Variants in IMMP2L observed in about 807,000 individuals in gnomAD.
The protein encoded by IMMP2L is mitochondrial inner membrane protease subunit 2.
IMMP2L carries 18 observed loss-of-function variants against 19.3 expected under a neutral mutation model. The ratio of observed to expected loss-of-function variants is 0.93; its 90% CI spans 0.64 to 1.38. The LOEUF is 1.38. Among genes scored for constraint, IMMP2L ranks in the 40% most tolerant of loss-of-function variants. The pLI, the probability that IMMP2L is intolerant of heterozygous loss-of-function variation, is 0.00. For missense variants in IMMP2L, 233 were observed against 218.2 expected (o/e 1.07, Z -0.43); for synonymous variants, 76 against 73.0 (o/e 1.04, Z -0.21).
chr7:111,167,698 C>T (rs1180342725), intron 3 of IMMP2L, among the ~76,000 whole-genome samples: 2 of 151,844 alleles, frequency 1.3e-5, no homozygotes, highest in East Asian at 3.9e-4. Flanking sequence ...TCTCTAATAT[C>T]CTTCTAAGGA....
chr7:110,800,532 T>C (rs1321080081), intron 5 of IMMP2L, among the ~76,000 whole-genome samples: 1 of 152,108 alleles, frequency 6.6e-6, no homozygotes, highest in Non-Finnish European at 1.5e-5. Flanking sequence ...TGTGCACACC[T>C]GCCAACTCTT....
intron 2 of IMMP2L, among the ~76,000 whole-genome samples, chr7:111,501,920 A>C (rs1268309014): frequency 2.0e-5 from 3 of 152,172 alleles, no homozygotes; most frequent in Admixed American, 6.5e-5. Context: ...TCAACTAATG[A>C]GCAAAATAAC....
intron 5 of IMMP2L, among the ~76,000 whole-genome samples, chr7:110,833,758 G>A (rs1316065944): frequency 6.6e-6 from 1 of 152,112 alleles, no homozygotes; most frequent in Non-Finnish European, 1.5e-5. Flanking sequence ...TAACTCAGCT[G>A]TCTAAGTGCA....
In IMMP2L at chr7:111,180,661, G is replaced by A. The variant is rs372153164; in HGVS notation, c.240-217096C>T. On this transcript the variant is annotated intron_variant, in intron 3 of 5. Coordinates refer to ENST00000405709, the MANE Select transcript of IMMP2L (RefSeq NM_032549.4). ...AATGCAGGGTTGCTACAAACCTAAT[G>A]CATAATACAGTGAAGCACAATAAAA... Among the ~76,000 whole-genome samples, 29 of 152,112 alleles carry A rather than the reference G, an allele frequency of 1.9e-4. 1 individual carries two copies. In the East Asian group the frequency reaches 4.3e-3, roughly 22 times the overall value.
intron 5 of IMMP2L, among the ~76,000 whole-genome samples, chr7:110,869,528 A>C (rs1563040164): frequency 6.6e-6 from 1 of 152,150 alleles, no homozygotes; most frequent in Non-Finnish European, 1.5e-5. Flanking sequence ...CAGTATGTGA[A>C]CACAGACAAA....
chr7:110,940,688 C>G (rs1482001651), intron 4 of IMMP2L, among the ~76,000 whole-genome samples: 7 of 152,244 alleles, frequency 4.6e-5, no homozygotes, highest in Admixed American at 3.3e-4. Context: ...GTTCTGTCAT[C>G]AAGGTATGCA....
intron 5 of IMMP2L, among the ~76,000 whole-genome samples, chr7:110,756,666 A>C (rs1798060813): frequency 6.6e-6 from 1 of 152,164 alleles, no homozygotes; most frequent in African/African-American, 2.4e-5. Flanking sequence ...CTTTAAAATT[A>C]TACTCATGCG....
intron 4 of IMMP2L, among the ~76,000 whole-genome samples, chr7:110,935,899 T>A (rs1186573716): frequency 1.3e-5 from 2 of 151,964 alleles, no homozygotes; most frequent in Non-Finnish European, 2.9e-5. Flanking sequence ...ATGCCACACA[T>A]CTACAACCAT....
chr7:110,718,103 A>T (rs1374802201), intron 5 of IMMP2L, among the ~76,000 whole-genome samples: 1 of 152,182 alleles, frequency 6.6e-6, no homozygotes, highest in African/African-American at 2.4e-5. Flanking sequence ...CTATCTATAG[A>T]ATGTTAAATT....
At chr7:111,501,232 GA>G (rs1283589575) in intron 2 of IMMP2L, among the ~76,000 whole-genome samples, 2 of 152,118 alleles carry the variant, frequency 1.3e-5, no homozygotes, top group African/African-American at 4.8e-5. Flanking sequence ...AGTGATGGAA[GA>G]CGAAATGAAT....
chr7:111,047,946 A>C (rs6466372), intron 3 of IMMP2L, among the ~76,000 whole-genome samples: 142,220 of 152,182 alleles, frequency 0.93, 66,712 homozygotes, highest in East Asian at 0.99. Flanking sequence ...GGATAGAAAT[A>C]TGGCTGCTTC....
chr7:111,400,798 G>A (rs995851205), intron 3 of IMMP2L, among the ~76,000 whole-genome samples: 1 of 151,864 alleles, frequency 6.6e-6, no homozygotes, highest in African/African-American at 2.4e-5. Context: ...ATCAATGACT[G>A]CATCCTACTC....
chr7:111,348,754 G>C (rs1827838154), intron 3 of IMMP2L, among the ~76,000 whole-genome samples: 1 of 151,960 alleles, frequency 6.6e-6, no homozygotes, highest in Non-Finnish European at 1.5e-5. Context: ...ATATCTCATA[G>C]GTCCCTCGAT....
At chr7:111,033,835 C>A (rs1056463543) in intron 3 of IMMP2L, among the ~76,000 whole-genome samples, 2 of 151,804 alleles carry the variant, frequency 1.3e-5, no homozygotes, top group Non-Finnish European at 2.9e-5. Context: ...TACAATAGCC[C>A]CAAACTATAA....
At chr7:111,388,492 A>G (rs1305499884) in intron 3 of IMMP2L, among the ~76,000 whole-genome samples, 1 of 152,064 alleles carries the variant, frequency 6.6e-6, no homozygotes, top group Non-Finnish European at 1.5e-5. Flanking sequence ...ATATGTATAT[A>G]TGTACGTACA....
intron 3 of IMMP2L, among the ~76,000 whole-genome samples, chr7:111,366,865 CAG>C (rs140166688): frequency 0.025 from 3,796 of 151,874 alleles, 182 homozygotes; most frequent in African/African-American, 0.086. Context: ...AGAGGAGAGA[CAG>C]GGAGAGAGAT....
At chr7:110,848,069 T>C (rs1805839338) in intron 5 of IMMP2L, among the ~76,000 whole-genome samples, 1 of 152,128 alleles carries the variant, frequency 6.6e-6, no homozygotes. Context: ...CTGGGCTTCA[T>C]TAAAATTTAA....
At chr7:111,195,937 G>A (rs779020542) in intron 3 of IMMP2L, among the ~76,000 whole-genome samples, 2 of 151,234 alleles carry the variant, frequency 1.3e-5, no homozygotes, top group Non-Finnish European at 2.9e-5. Flanking sequence ...CACAATCACG[G>A]CTCACTGCAC....
chr7:110,861,131 CAGAGACAG>C (rs1807378931), intron 5 of IMMP2L, among the ~76,000 whole-genome samples: 4 of 131,862 alleles, frequency 3.0e-5, no homozygotes, highest in Non-Finnish European at 6.5e-5. Context: ...GAGAGAGAGA[CAGAGACAG>C]AGAGACAGAG....
Sources: allele counts gnomAD v4.1 joint callset (sites outside exome capture counted in the v4.1 genomes callset), GRCh38; gene constraint gnomAD v4.1.1; transcripts MANE v1.5; gene names NCBI Gene and HGNC (gene_info 2026-07-23, HGNC 2026-07-21).